The following CACNG7 variants were observed in gnomAD, a reference collection of about 807,000 sequenced individuals.
The protein encoded by CACNG7 is voltage-dependent calcium channel gamma-7 subunit.
CACNG7 carries 9 observed loss-of-function variants against 26.3 expected under a neutral mutation model. The observed-to-expected ratio is 0.34, with a 90% CI of 0.21 to 0.60. CACNG7 has a LOEUF of 0.60. Among genes scored for constraint, CACNG7 ranks in the 20% least tolerant of loss-of-function variants. CACNG7 has a pLI of 0.81. For synonymous variants in CACNG7, 170 were observed against 157.0 expected (o/e 1.08, Z -0.62); for missense variants, 297 against 380.4 (o/e 0.78, Z 1.82).
intron 4 of CACNG7, among the ~76,000 whole-genome samples, chr19:53,918,228 C>T (rs2068910947): frequency 6.6e-6 from 1 of 152,136 alleles, no homozygotes; most frequent in African/African-American, 2.4e-5. Context: ...GGGGACAAAT[C>T]TTGATCAGTG....
Position 53,943,261 on chromosome 19 carries a change from C to G in CACNG7, c.*968C>G, listed in dbSNP as rs2069150685. 6.6e-6 allele frequency: 1 copy of G among 151,710 alleles called. No homozygotes were observed. Among genetic ancestry groups the G allele is most frequent in the East Asian group, 2.0e-4 (1 of 5,004 alleles). The allele number at this position is 151,710 out of a possible 1,614,324, so 9.4% of individuals were successfully genotyped here. A position where few individuals can be genotyped will look rare whatever the true frequency, so the allele number is the denominator to read the frequency against. ...GAGGGGCAGTAGCGGGGGTCGACAC[C>G]CCCCCCAAACCTCTAAGTCTTCCAT... On this transcript the variant is annotated 3_prime_UTR_variant, in exon 6 of 6. Coordinates refer to ENST00000391767, the MANE Select transcript of CACNG7 (RefSeq NM_031896.5).
At chr19:53,925,244 T>C (rs1460209233) in intron 4 of CACNG7, among the ~76,000 whole-genome samples, 1 of 127,546 alleles carries the variant, frequency 7.8e-6, no homozygotes, top group African/African-American at 3.1e-5. Flanking sequence ...TTGCCCCAGG[T>C]CTGGTCATTG....
At chr19:53,933,444 C>T (rs752709234) in intron 4 of CACNG7, among the ~76,000 whole-genome samples, 5 of 151,682 alleles carry the variant, frequency 3.3e-5, no homozygotes, top group African/African-American at 1.2e-4. Context: ...GGACTATAGG[C>T]GCCCAACACC....
At chr19:53,932,272 A>AG (rs1187123857) in intron 4 of CACNG7, among the ~76,000 whole-genome samples, 1 of 149,718 alleles carries the variant, frequency 6.7e-6, no homozygotes, top group Non-Finnish European at 1.5e-5. Context: ...AAAAAAAAAA[A>AG]GAATTAAAAA....
rs2068918220 is a variant in CACNG7 at position 53,919,168 on chromosome 19, A to C, written c.424+3663A>C. Among the ~76,000 whole-genome samples, 3 of 152,342 alleles carry C rather than the reference A, an allele frequency of 2.0e-5. No individual in the cohort carries two copies. In the South Asian group the frequency reaches 6.2e-4, roughly 32 times the overall value. ...GGCATTATGCTGCCCCACCAAGATT[A>C]AGATCACAAAAAAGAAGGAGATTTA... On this transcript the variant is annotated intron_variant, in intron 4 of 5. Coordinates refer to ENST00000391767, the MANE Select transcript of CACNG7 (RefSeq NM_031896.5).
chr19:53,931,236 G>A lies in CACNG7; in HGVS notation c.425-10234G>A, dbSNP rs373920885. Among the ~76,000 whole-genome samples, 8 of 152,224 alleles carry A rather than the reference G, an allele frequency of 5.3e-5. No homozygotes were observed. In the East Asian group the frequency reaches 5.8e-4, roughly 11 times the overall value. On this transcript the variant is annotated intron_variant, in intron 4 of 5. Transcript: ENST00000391767. ...ATAGAAGAATAATACATTCGTCTACGTAACTACAACAACATTATCAGACAT... is the reference window on the plus strand; with the variant it reads ...ATAGAAGAATAATACATTCGTCTACATAACTACAACAACATTATCAGACAT...
intron 4 of CACNG7, among the ~76,000 whole-genome samples, chr19:53,919,289 G>A (rs888964778): frequency 6.6e-6 from 1 of 152,374 alleles, no homozygotes; most frequent in East Asian, 1.9e-4. Flanking sequence ...GAGGAAACCA[G>A]GCCTCAGAGA....
At position 53,921,527 on chromosome 19, in the gene CACNG7, C is replaced by T. The variant is rs1190621905; in HGVS notation, c.424+6022C>T. Among the ~76,000 whole-genome samples the T allele has an allele frequency of 4.8e-5, 7 of 146,032 alleles. No individual in the cohort carries two copies. The East Asian group carries it at 1.0e-3, about 22-fold the overall frequency. On this transcript the variant is annotated intron_variant, in intron 4 of 5. Transcript: ENST00000391767. ...CCAGGTCTGGTATTGGTGGAGTTGC[C>T]CCAGGTCTGGTCATTGGTGGAGTTG...
chr19:53,923,226 CCCCAGGTCTGGTCATTGGTGGAGTTGT>C (rs2068980381), intron 4 of CACNG7, among the ~76,000 whole-genome samples: 4 of 44,892 alleles, frequency 8.9e-5, no homozygotes, highest in Admixed American at 1.9e-4. Context: ...GGTGGAGTTG[CCCCAGGTCTGGTCATTGGTGGAGTTGT>C]CCCAGGTCTG....
At chr19:53,925,816 G>T (rs1034902119) in intron 4 of CACNG7, among the ~76,000 whole-genome samples, 3 of 152,238 alleles carry the variant, frequency 2.0e-5, no homozygotes, top group African/African-American at 7.2e-5. Context: ...TCTGTGCTGG[G>T]GCTGGAGATG....
At chr19:53,915,702 G>A (rs933042717) in intron 4 of CACNG7, among the ~76,000 whole-genome samples, 197 bp downstream of exon 4, 1 of 152,160 alleles carries the variant, frequency 6.6e-6, no homozygotes, top group East Asian at 1.9e-4. Flanking sequence ...ACATTATAGC[G>A]AGGGCTTACT....
chr19:53,919,111 T>C (rs1465780992), intron 4 of CACNG7, among the ~76,000 whole-genome samples: 1 of 152,106 alleles, frequency 6.6e-6, no homozygotes, highest in Non-Finnish European at 1.5e-5. Context: ...CTGGCCAAAT[T>C]TCAAATTTTC....
At chr19:53,936,686 G>A (rs2069107179) in intron 4 of CACNG7, among the ~76,000 whole-genome samples, 1 of 152,146 alleles carries the variant, frequency 6.6e-6, no homozygotes, top group Non-Finnish European at 1.5e-5. Flanking sequence ...TCGGCTCACT[G>A]CAACCTCTGC....
At chr19:53,930,475 A>G (rs1482281474) in intron 4 of CACNG7, among the ~76,000 whole-genome samples, 2 of 151,528 alleles carry the variant, frequency 1.3e-5, no homozygotes, top group East Asian at 3.9e-4. Context: ...CAGGTACACA[A>G]GATTCTCCTG....
chr19:53,917,550 GA>G (rs2068906508), intron 4 of CACNG7, among the ~76,000 whole-genome samples: 1 of 152,154 alleles, frequency 6.6e-6, no homozygotes, highest in Non-Finnish European at 1.5e-5. Flanking sequence ...AACCTGAAGA[GA>G]CCTTTTCCAG....
chr19:53,929,433 C>T (rs1293807624), intron 4 of CACNG7, among the ~76,000 whole-genome samples: 1 of 151,968 alleles, frequency 6.6e-6, no homozygotes, highest in African/African-American at 2.4e-5. Flanking sequence ...CCATGTAATG[C>T]TTCATGATCA....
At chr19:53,914,339 C>T in intron 2 of CACNG7, among the ~76,000 whole-genome samples, 161 bp from the exon 3 acceptor site, 1 of 151,852 alleles carries the variant, frequency 6.6e-6, no homozygotes, top group East Asian at 1.9e-4. Flanking sequence ...ATCCACCCAC[C>T]CGCTTTCCCA....
intron 4 of CACNG7, among the ~76,000 whole-genome samples, chr19:53,923,619 G>A (rs375366779): frequency 6.7e-4 from 65 of 96,478 alleles, no homozygotes; most frequent in Admixed American, 1.1e-3. Flanking sequence ...TCTGGTCATT[G>A]GTGGAGTTGT....
chr19:53,927,786 C>T (rs917263487), intron 4 of CACNG7, among the ~76,000 whole-genome samples: 25 of 149,082 alleles, frequency 1.7e-4, no homozygotes, highest in African/African-American at 3.2e-4. Flanking sequence ...TGCAGTGAGC[C>T]GAGATCGCAC....
Sources: gnomAD v4.1 joint callset for allele counts (sites outside exome capture counted in the v4.1 genomes callset) on GRCh38, gnomAD v4.1.1 for gene constraint, MANE v1.5 for transcripts, NCBI Gene and HGNC (gene_info 2026-07-23, HGNC 2026-07-21) for gene names.